Variants in SLC28A3 observed in about 807,000 individuals in gnomAD.
SLC28A3 encodes solute carrier family 28 member 3, also known as concentrative Na(+)-nucleoside cotransporter 3.
SLC28A3 carries 68 observed loss-of-function variants against 84.2 expected under a neutral mutation model. The observed-to-expected ratio is 0.81, with a 90% CI of 0.66 to 0.99. SLC28A3 has a LOEUF of 0.99. SLC28A3 is among the 50% of genes least tolerant of loss of function. SLC28A3 has a pLI of 0.00. For missense variants in SLC28A3, 712 were observed against 841.5 expected (o/e 0.85, Z 1.90); for synonymous variants, 267 against 303.6 (o/e 0.88, Z 1.25).
chr9:84,330,660 TA>T (rs1826748141), intron 1 of SLC28A3, among the ~76,000 whole-genome samples: 1 of 152,220 alleles, frequency 6.6e-6, no homozygotes, highest in Non-Finnish European at 1.5e-5. Flanking sequence ...TTATGAAATC[TA>T]AAAACAGATC....
chr9:84,304,474 C>A (rs1463837026), intron 4 of SLC28A3, among the ~76,000 whole-genome samples: 16 of 147,946 alleles, frequency 1.1e-4, no homozygotes, highest in Admixed American at 6.7e-4. Flanking sequence ...AAAAAAAAAA[C>A]AAAAACAAAC....
At chr9:84,316,402 C>A (rs970101294) in intron 1 of SLC28A3, among the ~76,000 whole-genome samples, 1 of 152,192 alleles carries the variant, frequency 6.6e-6, no homozygotes, top group Admixed American at 6.5e-5. Context: ...GGGGGCAGCT[C>A]GGGGAATGTT....
chr9:84,279,876 T>A, intron 16 of SLC28A3, 99 bp downstream of exon 16: 1 of 1,112,796 alleles, frequency 9.0e-7, no homozygotes, highest in Non-Finnish European at 1.3e-6. Flanking sequence ...CAGCTTTCTG[T>A]GGCAGCGTGT....
At position 84,326,099 on chromosome 9, in the gene SLC28A3, A is replaced by T. The variant is rs187207994; in HGVS notation, c.61-12645T>A. Among the ~76,000 whole-genome samples the T allele has an allele frequency of 1.6e-4, 24 of 152,252 alleles. 1 individual carries two copies. The East Asian group carries it at 3.5e-3, about 22-fold the overall frequency. On this transcript the variant is annotated intron_variant, in intron 1 of 17. Coordinates refer to ENST00000376238, the MANE Select transcript of SLC28A3 (RefSeq NM_001199633.2). Reference sequence around the variant, plus strand: ...TATCTGCAATCATAAGAGAGTTCCAAACTTCTGTGGAATAATACAGATTTG... The same window carrying T: ...TATCTGCAATCATAAGAGAGTTCCATACTTCTGTGGAATAATACAGATTTG...
intron 4 of SLC28A3, 40 bp downstream of exon 4, chr9:84,305,214 A>G (rs1564160241): frequency 6.6e-7 from 1 of 1,516,810 alleles, no homozygotes; most frequent in East Asian, 2.3e-5. Context: ...AAAAAAAAAA[A>G]AAAAAGACAG....
chr9:84,282,375 G>T (rs1824790412), intron 14 of SLC28A3, among the ~76,000 whole-genome samples: 1 of 152,030 alleles, frequency 6.6e-6, no homozygotes, highest in African/African-American at 2.4e-5. Flanking sequence ...GAGCCCTTAA[G>T]TTGGTATATA....
At chr9:84,330,496 G>A (rs1170653673) in intron 1 of SLC28A3, among the ~76,000 whole-genome samples, 5 of 152,148 alleles carry the variant, frequency 3.3e-5, no homozygotes, top group Non-Finnish European at 7.4e-5. Context: ...AGTGGTTACT[G>A]AGTGCTTGAA....
At chr9:84,356,846 TA>T in the SLC28A3 span, among the ~76,000 whole-genome samples, 3 of 150,006 alleles carry the variant, frequency 2.0e-5, no homozygotes, top group Non-Finnish European at 4.5e-5. Flanking sequence ...AATAAATAAA[TA>T]AAATAAAATA....
At chr9:84,308,135 C>A (rs911050414) in intron 3 of SLC28A3, among the ~76,000 whole-genome samples, 1 of 152,046 alleles carries the variant, frequency 6.6e-6, no homozygotes, top group Non-Finnish European at 1.5e-5. Context: ...CAGCTACTTG[C>A]GAGGCTGAGG....
At chr9:84,343,973 C>T (rs1473077668), upstream of SLC28A3, among the ~76,000 whole-genome samples, 1 of 152,082 alleles carries the variant, frequency 6.6e-6, no homozygotes, top group Admixed American at 6.6e-5. Flanking sequence ...TGCCTGTAGT[C>T]CCAGCTACTT....
At chr9:84,298,462 G>A (rs1341933101) in intron 6 of SLC28A3, among the ~76,000 whole-genome samples, 1 of 152,062 alleles carries the variant, frequency 6.6e-6, no homozygotes, top group African/African-American at 2.4e-5. Context: ...ACTCCAGCCT[G>A]GGCAACAGAG....
the SLC28A3 span, among the ~76,000 whole-genome samples, chr9:84,346,010 A>C: frequency 6.6e-6 from 1 of 152,234 alleles, no homozygotes; most frequent in East Asian, 1.9e-4. Flanking sequence ...ACAATTCCCC[A>C]GTCATGCAGA....
intron 1 of SLC28A3, among the ~76,000 whole-genome samples, chr9:84,320,214 T>TC (rs951077845): frequency 3.6e-5 from 5 of 140,814 alleles, no homozygotes; most frequent in African/African-American, 1.3e-4. Context: ...CACACCCTGC[T>TC]CATTTTTTTT....
intron 4 of SLC28A3, among the ~76,000 whole-genome samples, 173 bp downstream of exon 4, chr9:84,305,081 G>A (rs1588589875): frequency 1.3e-5 from 2 of 151,880 alleles, no homozygotes; most frequent in South Asian, 2.1e-4. Context: ...ATTTGCATAG[G>A]CTTCCCCTAT....
At chr9:84,357,118 A>G in the SLC28A3 span, among the ~76,000 whole-genome samples, 5 of 152,130 alleles carry the variant, frequency 3.3e-5, no homozygotes, top group Non-Finnish European at 7.3e-5. Flanking sequence ...TGTTTTATTC[A>G]TTGACACAGC....
At chr9:84,308,123 C>T (rs1179205949) in intron 3 of SLC28A3, among the ~76,000 whole-genome samples, 1 of 152,180 alleles carries the variant, frequency 6.6e-6, no homozygotes, top group Non-Finnish European at 1.5e-5. Context: ...CTCCTGTAGT[C>T]CCAGCTACTT....
At chr9:84,339,286 G>A (rs538113900) in intron 1 of SLC28A3, among the ~76,000 whole-genome samples, 1 of 152,230 alleles carries the variant, frequency 6.6e-6, no homozygotes, top group African/African-American at 2.4e-5. Context: ...GTCTCCCTCT[G>A]TCAACCAGGC....
chr9:84,278,331 C>T lies in SLC28A3; in HGVS notation c.1963G>A (p.Gly655Ser). Residue 655 changes from glycine to serine, a missense_variant, in exon 18 of 18, where the codon GGT becomes AGT. Physicochemically the swap from Gly to Ser is moderately conservative, Grantham distance 56. Transcript: ENST00000376238. ...QSLLSSTVAK[G>S]PGEVIPGGNH... ...CCTCCTGGGATGACTTCACCAGGAC[C>T]CTTGGCAACAGTGCTGGTGGAAAGT... is the stretch of plus-strand genomic sequence containing the variant. The T allele has an allele frequency of 6.2e-7, 1 of 1,613,972 alleles. No individual in the cohort carries two copies. The highest frequency in any genetic ancestry group is 8.5e-7 in the Non-Finnish European group (1 of 1,179,972).
the SLC28A3 span, among the ~76,000 whole-genome samples, chr9:84,362,742 C>T: frequency 5.9e-5 from 9 of 151,888 alleles, no homozygotes; most frequent in South Asian, 4.2e-4. Flanking sequence ...TGCCATGGAC[C>T]GCTTTGGCAG....
Sources: allele counts gnomAD v4.1 joint callset (sites outside exome capture counted in the v4.1 genomes callset), GRCh38; gene constraint gnomAD v4.1.1; transcripts MANE v1.5; gene names NCBI Gene and HGNC (gene_info 2026-07-23, HGNC 2026-07-21).